Variants in KDM4C observed in about 807,000 individuals in gnomAD.
The protein encoded by KDM4C is lysine demethylase 4C, also known as lysine-specific demethylase 4C.
In KDM4C, 81 loss-of-function variants were observed where a neutral mutation model predicts 129.3. The ratio of observed to expected loss-of-function variants is 0.63; its 90% CI spans 0.52 to 0.75. The LOEUF (loss-of-function observed/expected upper bound fraction) is 0.75. Ranked by LOEUF, KDM4C falls within the 30% of genes least tolerant of loss-of-function variation. The probability of loss-of-function intolerance (pLI) is 0.00; values close to 1 mark genes in which losing one functional copy is unlikely to be tolerated. For missense variants in KDM4C, 1,457 were observed against 1,304.0 expected, an observed-to-expected ratio of 1.12 and a Z score of -1.81; for synonymous variants, 573 against 456.1, an observed-to-expected ratio of 1.26 and a Z score of -3.26.
At chr9:6,943,172 C>T (rs559900018) in intron 8 of KDM4C, among the ~76,000 whole-genome samples, 44 of 152,116 alleles carry the variant, frequency 2.9e-4, no homozygotes, top group Non-Finnish European at 5.0e-4. Context: ...TGAGCCTGGC[C>T]TCTGATTGAA....
chr9:7,086,961 G>A (rs758572809), intron 17 of KDM4C, among the ~76,000 whole-genome samples: 2 of 152,138 alleles, frequency 1.3e-5, no homozygotes, highest in African/African-American at 4.8e-5. Flanking sequence ...TGAGCTCACC[G>A]TTGTACTCTG....
chr9:6,755,628 A>G (rs1030663065), upstream of KDM4C, among the ~76,000 whole-genome samples: 4 of 152,194 alleles, frequency 2.6e-5, no homozygotes, highest in African/African-American at 9.6e-5. Flanking sequence ...GTTAGTTCAC[A>G]TTACATATAA....
intron 17 of KDM4C, among the ~76,000 whole-genome samples, chr9:7,086,215 A>C (rs1835100144): frequency 6.6e-6 from 1 of 152,190 alleles, no homozygotes; most frequent in Non-Finnish European, 1.5e-5. Context: ...GCAAACAGGA[A>C]TTTTTTAATA....
At chr9:6,771,884 A>G (rs988440595) in intron 1 of KDM4C, among the ~76,000 whole-genome samples, 7 of 152,044 alleles carry the variant, frequency 4.6e-5, no homozygotes, top group African/African-American at 1.7e-4. Context: ...AAGCAGGCCC[A>G]AGGGGTTGTG....
rs992286029 is a variant in KDM4C at position 6,986,207 on chromosome 9, G to A, written c.1355-137G>A. 6 of 617,574 alleles carry A rather than the reference G, an allele frequency of 9.7e-6. No individual in the cohort carries two copies. The African/African-American group carries it at 1.1e-4, about 11-fold the overall frequency. 38.3% of individuals were successfully genotyped at this position (617,574 alleles called of 1,614,324 possible). A position where few individuals can be genotyped will look rare whatever the true frequency, so the allele number is the denominator to read the frequency against. On this transcript the variant is annotated intron_variant, in intron 10 of 21. Coordinates refer to ENST00000381309, the MANE Select transcript of KDM4C (RefSeq NM_015061.6). ...GATGGGTACAAATGAGGTTTGTTTT[G>A]TGTGTGTGCATGTATGTGCATGCGC...
rs1183440425 is a variant in KDM4C, at chr9:6,758,818, G to A, written c.-18+615G>A. Among the ~76,000 whole-genome samples the A allele has an allele frequency of 6.6e-6, 1 of 152,094 alleles. No homozygotes were observed. The highest frequency in any genetic ancestry group is 1.5e-5 in the Non-Finnish European group (1 of 67,990). On this transcript the variant is annotated intron_variant, in intron 1 of 21. Coordinates refer to ENST00000381309, the MANE Select transcript of KDM4C (RefSeq NM_015061.6). This position sits in a 1 kb window ranked among gnomAD's most constrained non-coding sequence, Gnocchi z 4.6. ...ACGGCGGGTGCTTAAATAAATGCGAGTTGGATTAGGGCGCGTGGACTGCCA... is the reference window on the plus strand; with the variant it reads ...ACGGCGGGTGCTTAAATAAATGCGAATTGGATTAGGGCGCGTGGACTGCCA...
chr9:7,075,599 G>T (rs1564084760), intron 17 of KDM4C, among the ~76,000 whole-genome samples: 2 of 152,146 alleles, frequency 1.3e-5, no homozygotes, highest in Non-Finnish European at 2.9e-5. Flanking sequence ...TCCACAGTGA[G>T]TTGAAGCAGC....
At chr9:6,903,993 A>C (rs544268474) in intron 8 of KDM4C, among the ~76,000 whole-genome samples, 1 of 152,254 alleles carries the variant, frequency 6.6e-6, no homozygotes, top group Non-Finnish European at 1.5e-5. Context: ...TAATCCCAGC[A>C]CTTTGAGAGG....
intron 4 of KDM4C, among the ~76,000 whole-genome samples, chr9:6,816,331 C>A (rs1431249061): frequency 6.6e-6 from 1 of 152,156 alleles, no homozygotes; most frequent in Non-Finnish European, 1.5e-5. Context: ...CACCTGTGTA[C>A]CATTTCTGAC....
At position 6,930,559 on chromosome 9, in the gene KDM4C, T is replaced by C. The variant is rs563226936; in HGVS notation, c.921+37327T>C. 3.2e-3 allele frequency among the ~76,000 whole-genome samples: 476 copies of C among 148,710 alleles called. 1 individual carries two copies. The highest frequency in any genetic ancestry group is 0.011 in the African/African-American group (454 of 40,892). Reference sequence around the variant, plus strand: ...ATGTGTTATATATAACAACAGTATGTTATATATGTTATCTATAACATGTTA... The same window carrying C: ...ATGTGTTATATATAACAACAGTATGCTATATATGTTATCTATAACATGTTA... On this transcript the variant is annotated intron_variant, in intron 8 of 21. Transcript: ENST00000381309.
At chr9:6,807,997 G>A (rs1158573650) in intron 3 of KDM4C, among the ~76,000 whole-genome samples, 10 of 113,066 alleles carry the variant, frequency 8.8e-5, no homozygotes, top group Non-Finnish European at 1.7e-4. Context: ...GGTGGGGGGG[G>A]TCAGCCCCCC....
chr9:6,890,157 G>C (rs1845910760), intron 7 of KDM4C, among the ~76,000 whole-genome samples: 1 of 152,172 alleles, frequency 6.6e-6, no homozygotes, highest in African/African-American at 2.4e-5. Flanking sequence ...ACCTGGTGAT[G>C]ATAGCGTAAC....
At chr9:6,904,615 C>T (rs1461660396) in intron 8 of KDM4C, among the ~76,000 whole-genome samples, 1 of 152,166 alleles carries the variant, frequency 6.6e-6, no homozygotes, top group Non-Finnish European at 1.5e-5. Context: ...GTGTCCACAC[C>T]TGTCACCTCG....
At chr9:6,848,024 A>C (rs1484127171) in intron 4 of KDM4C, among the ~76,000 whole-genome samples, 1 of 152,202 alleles carries the variant, frequency 6.6e-6, no homozygotes, top group Non-Finnish European at 1.5e-5. Flanking sequence ...TGGAGAGGAC[A>C]ATTTTGGTAG....
intron 14 of KDM4C, among the ~76,000 whole-genome samples, chr9:7,014,966 T>C (rs1485328872): frequency 6.6e-6 from 1 of 150,992 alleles, no homozygotes; most frequent in Non-Finnish European, 1.5e-5. Context: ...TACATTATTA[T>C]GTGTATACAA....
At chr9:7,052,892 A>AGAGAGAGAGAGAGC (rs1830362221) in intron 17 of KDM4C, among the ~76,000 whole-genome samples, 2 of 11,354 alleles carry the variant, frequency 1.8e-4, no homozygotes, top group Non-Finnish European at 3.6e-4. Context: ...AGAGAGAGAG[A>AGAGAGAGAGAGAGC]GAGAGAGAGC....
intron 19 of KDM4C, among the ~76,000 whole-genome samples, chr9:7,164,269 A>T (rs1246273696): frequency 1.3e-5 from 2 of 152,162 alleles, no homozygotes; most frequent in South Asian, 4.2e-4. Context: ...TACTCAATAC[A>T]TACAAATTTA....
At chr9:6,884,862 G>C (rs1845015850) in intron 6 of KDM4C, among the ~76,000 whole-genome samples, 1 of 152,180 alleles carries the variant, frequency 6.6e-6, no homozygotes, top group South Asian at 2.1e-4. Context: ...CTTAGCAATA[G>C]CTAATATATT....
chr9:6,901,642 G>A (rs1407036371), intron 8 of KDM4C, among the ~76,000 whole-genome samples: 1 of 152,210 alleles, frequency 6.6e-6, no homozygotes, highest in Non-Finnish European at 1.5e-5. Context: ...TGTTAGAAAG[G>A]CTGGAAAGGT....
Sources: gnomAD v4.1 joint callset for allele counts (sites outside exome capture counted in the v4.1 genomes callset) on GRCh38, gnomAD v4.1.1 for gene constraint, Gnocchi (gnomAD v3.1) non-coding constraint, MANE v1.5 for transcripts, NCBI Gene and HGNC (gene_info 2026-07-23, HGNC 2026-07-21) for gene names.